Variants in SLC27A5 observed in about 807,000 individuals in gnomAD.
SLC27A5 encodes the protein solute carrier family 27 member 5, also known as long-chain fatty acid transport protein 5.
In SLC27A5, 47 loss-of-function variants were observed where a neutral mutation model predicts 63.1. That is an observed-to-expected ratio of 0.74 (90% CI 0.59 to 0.95). The LOEUF is 0.95. Among genes scored for constraint, SLC27A5 ranks in the 40% least tolerant of loss-of-function variants. The pLI is 0.00. For synonymous variants in SLC27A5, 391 were observed against 403.8 expected, an observed-to-expected ratio of 0.97 and a Z score of 0.38; for missense variants, 940 against 921.0, an observed-to-expected ratio of 1.02 and a Z score of -0.27.
At chr19:58,503,430 G>C (rs957372885) in intron 3 of SLC27A5, among the ~76,000 whole-genome samples, 5 of 151,502 alleles carry the variant, frequency 3.3e-5, no homozygotes, top group African/African-American at 1.2e-4. Context: ...GAGGCTGAGG[G>C]GGGTGGATCA....
At chr19:58,504,655 G>C (rs1195084692) in intron 3 of SLC27A5, among the ~76,000 whole-genome samples, 1 of 148,982 alleles carries the variant, frequency 6.7e-6, no homozygotes, top group Non-Finnish European at 1.5e-5. Context: ...GCGACAGAGC[G>C]AGACTCTGTC....
Position 58,504,583 on chromosome 19 carries a change from G to A in SLC27A5, c.1058-3173C>T, listed in dbSNP as rs1403321085. Among the ~76,000 whole-genome samples the A allele has an allele frequency of 1.3e-4, 16 of 121,460 alleles. No individual in the cohort carries two copies. In the South Asian group the frequency reaches 4.3e-3, roughly 32 times the overall value. The allele number at this position is 121,460 out of a possible 152,430, so 79.7% of individuals were successfully genotyped here. On this transcript the variant is annotated intron_variant, in intron 3 of 9. Transcript: ENST00000263093. ...AAACTGATTGAACCCTGGGGGGGGGGGGGGGGCGGGCGGGGCGGAGCTTGC... is the reference window on the plus strand; with the variant it reads ...AAACTGATTGAACCCTGGGGGGGGGAGGGGGGCGGGCGGGGCGGAGCTTGC...
At chr19:58,503,897 G>C (rs2122505086) in intron 3 of SLC27A5, among the ~76,000 whole-genome samples, 1 of 152,316 alleles carries the variant, frequency 6.6e-6, no homozygotes, top group Non-Finnish European at 1.5e-5. Context: ...CAGATCACTT[G>C]AGGCCAGAAG....
At chr19:58,498,938 T>G in intron 8 of SLC27A5, 23 bp from the exon 9 acceptor site, 1 of 1,604,608 alleles carries the variant, frequency 6.2e-7, no homozygotes, top group African/African-American at 1.3e-5. Context: ...CTGGTCACTC[T>G]CGGCTGACCC....
chr19:58,505,388 C>T (rs2053333599), intron 3 of SLC27A5, among the ~76,000 whole-genome samples: 1 of 148,492 alleles, frequency 6.7e-6, no homozygotes, highest in African/African-American at 2.5e-5. Flanking sequence ...CGTGAGCCAC[C>T]ATGCCCCGGT....
At chr19:58,506,888 C>T (rs891664831) in intron 3 of SLC27A5, among the ~76,000 whole-genome samples, 4 of 151,736 alleles carry the variant, frequency 2.6e-5, no homozygotes, top group Non-Finnish European at 2.9e-5. Context: ...GGATTACAGG[C>T]GTGAGCCACC....
chr19:58,500,510 AC>A lies in SLC27A5; in HGVS notation c.1377+1del. The A allele has an allele frequency of 6.2e-7, 1 of 1,613,812 alleles. No individual in the cohort carries two copies. The highest frequency in any genetic ancestry group is 8.5e-7 in the Non-Finnish European group (1 of 1,179,940). On this transcript the variant is annotated splice_donor_variant, in intron 5 of 9. Coordinates refer to ENST00000263093, the MANE Select transcript of SLC27A5 (RefSeq NM_012254.3). LOFTEE classifies it high-confidence loss of function. ...CTGCACACCAGGTACCCGCACACTC[AC>A]TCGGAGGAGGCAGCTCATCTTGCCC...
chr19:58,500,703 G>T lies in SLC27A5; in HGVS notation c.1186C>A (p.Pro396Thr). Residue 396 changes from proline to threonine, a missense_variant, in exon 5 of 10, where the codon CCA becomes ACA. Coordinates refer to ENST00000263093, the MANE Select transcript of SLC27A5 (RefSeq NM_012254.3). ...CGGACTGTATGTGTCCGGTCCTCTGGTTGCTACAGGAATGTCCCCAGAAGG... is the reference window on the plus strand; with the variant it reads ...CGGACTGTATGTGTCCGGTCCTCTGTTTGCTACAGGAATGTCCCCAGAAGG... ...LRYLCNIPQQ[P>T]EDRTHTVRLA... is the part of the protein sequence containing the mutation. 6.2e-7 allele frequency: 1 copy of T among 1,612,882 alleles called. No homozygotes were observed. The highest frequency in any genetic ancestry group is 1.1e-5 in the South Asian group (1 of 91,074).
intron 3 of SLC27A5, among the ~76,000 whole-genome samples, chr19:58,505,062 G>C (rs2053329332): frequency 6.7e-6 from 1 of 149,944 alleles, no homozygotes; most frequent in Non-Finnish European, 1.5e-5. Flanking sequence ...ATTGAAGCTG[G>C]GTGAAGATAC....
chr19:58,511,455 C>T lies in SLC27A5; in HGVS notation c.501G>A (p.Ala167=), dbSNP rs1447560724. 4 of 1,593,024 alleles carry T rather than the reference C, an allele frequency of 2.5e-6. No homozygotes were observed. Among genetic ancestry groups the T allele is most frequent in the Non-Finnish European group, 3.4e-6 (4 of 1,170,494 alleles). The part of the protein sequence containing the change: ...WALKAELGDP[A]SLCAGEPTAL... ...CAGTAGGCTCCCCGGCACACAGGCTCGCAGGGTCACCCAGCTCAGCCTTCA... is the reference window on the plus strand; with the variant it reads ...CAGTAGGCTCCCCGGCACACAGGCTTGCAGGGTCACCCAGCTCAGCCTTCA... Residue 167 remains alanine (A), a synonymous_variant, in exon 1 of 10, where the codon GCG becomes GCA. Transcript: ENST00000263093.
rs1412507083 is a variant in SLC27A5 at position 58,510,867 on chromosome 19, T to A, written c.752A>T (p.Tyr251Phe). Residue 251 changes from tyrosine (Y) to phenylalanine (F), a missense_variant, in exon 2 of 10, where the codon TAC (tyrosine) becomes TTC (phenylalanine). Coordinates refer to ENST00000263093, the MANE Select transcript of SLC27A5 (RefSeq NM_012254.3). Reference sequence around the variant, plus strand: ...TGGTGTAGGGGAGGTATGGCTGAGGTAGAAGCAGCGGATGTTCTCAGCCTG... The same window carrying A: ...TGGTGTAGGGGAGGTATGGCTGAGGAAGAAGCAGCGGATGTTCTCAGCCTG... ...KLQAENIRCFYLSHTSPTPGV... is the reference protein window; with the variant it reads ...KLQAENIRCFFLSHTSPTPGV... 1.9e-6 allele frequency: 3 copies of A among 1,612,726 alleles called. No homozygotes were observed. The South Asian group carries it at 3.3e-5, about 18-fold the overall frequency.
At chr19:58,499,377 CA>C in intron 7 of SLC27A5, 114 bp downstream of exon 7, 1 of 1,365,148 alleles carries the variant, frequency 7.3e-7, no homozygotes, top group Non-Finnish European at 1.0e-6. Context: ...GTCCTGACTC[CA>C]AGTTCCGCCC....
chr19:58,501,659 G>A (rs927518055), intron 3 of SLC27A5, among the ~76,000 whole-genome samples: 1 of 152,124 alleles, frequency 6.6e-6, no homozygotes, highest in Non-Finnish European at 1.5e-5. Flanking sequence ...CTAAATAAGG[G>A]CTGTAAATAT....
At position 58,499,157 on chromosome 19, in the gene SLC27A5, C is replaced by T. The variant is rs77807864; in HGVS notation, c.1731G>A (p.Leu577=). The part of the protein sequence containing the change: ...VEGVLSQVDF[L]QQVNVYGVCV... ...ACACGCCATACACGTTAACCTGTTG[C>T]AAGAAGTCCACCTGCGACAACACGC... The change falls in exon 8 of 10, where the codon TTG becomes TTA. Residue 577 remains leucine (L), a synonymous_variant. Coordinates refer to ENST00000263093, the MANE Select transcript of SLC27A5 (RefSeq NM_012254.3). The T allele has an allele frequency of 3.0e-3, 4,913 of 1,614,068 alleles. 111 individuals carry two copies. In the African/African-American group the frequency reaches 0.053, roughly 17 times the overall value.
chr19:58,500,452 G>T, intron 5 of SLC27A5, 23 bp from the exon 6 acceptor site: 1 of 1,613,744 alleles, frequency 6.2e-7, no homozygotes, highest in South Asian at 1.1e-5. Context: ...GTGGAGTGTT[G>T]ACATAGGTCC....
chr19:58,511,982 A>C lies in SLC27A5; in HGVS notation c.-27T>G, dbSNP rs1369529961. 6.6e-7 allele frequency: 1 copy of C among 1,510,950 alleles called. No homozygotes were observed. The highest frequency in any genetic ancestry group is 2.5e-5 in the East Asian group (1 of 40,458). 93.6% of individuals were successfully genotyped at this position (1,510,950 alleles called of 1,614,324 possible). On this transcript the variant is annotated 5_prime_UTR_variant, in exon 1 of 10. Coordinates refer to ENST00000263093, the MANE Select transcript of SLC27A5 (RefSeq NM_012254.3). ...GTACCAGCTCCTCCCTAGGAGCAGC[A>C]GCTGTGGAGTGTTCAGGCTCACCTC...
At chr19:58,505,863 AAAC>A (rs1568631263) in intron 3 of SLC27A5, among the ~76,000 whole-genome samples, 1 of 150,602 alleles carries the variant, frequency 6.6e-6, no homozygotes, top group Non-Finnish European at 1.5e-5. Context: ...AAAAAAAAAA[AAAC>A]ATTTGGCCGG....
In SLC27A5 at chr19:58,500,390, C is replaced by T; in HGVS notation, c.1417G>A (p.Ala473Thr). The change falls in exon 6 of 10, where the codon GCG becomes ACG. Residue 473 changes from alanine to threonine, a missense_variant. Coordinates refer to ENST00000263093, the MANE Select transcript of SLC27A5 (RefSeq NM_012254.3). ...TGATTGTCCCTCACAGGCTCCGCCG[C>T]CTCCATGTCGAACTGCACCAGCTCA... The part of the protein sequence containing the change: ...PFELVQFDME[A>T]AEPVRDNQGF... 2 of 1,613,820 alleles carry T rather than the reference C, an allele frequency of 1.2e-6. No individual in the cohort carries two copies. The highest frequency in any genetic ancestry group is 1.7e-6 in the Non-Finnish European group (2 of 1,180,004).
intron 3 of SLC27A5, among the ~76,000 whole-genome samples, chr19:58,504,740 T>A (rs957919622): frequency 6.6e-6 from 1 of 150,782 alleles, no homozygotes; most frequent in African/African-American, 2.4e-5. Context: ...GCGCGGTGGC[T>A]CATGCCTGTA....
Sources: gnomAD v4.1 joint callset for allele counts (sites outside exome capture counted in the v4.1 genomes callset) on GRCh38, gnomAD v4.1.1 for gene constraint, MANE v1.5 for transcripts, NCBI Gene and HGNC (gene_info 2026-07-23, HGNC 2026-07-21) for gene names.